The following ARL15 variants were observed in gnomAD, a reference collection of about 807,000 sequenced individuals.
ARL15 encodes the protein ARF like GTPase 15, also known as ADP-ribosylation factor-like protein 15.
In ARL15, 19 loss-of-function variants were observed where a neutral mutation model predicts 25.2. That is an observed-to-expected ratio of 0.75 (90% CI 0.53 to 1.10). The LOEUF is 1.10. Ranked by LOEUF, ARL15 falls within the 50% of genes least tolerant of loss-of-function variation. The probability of loss-of-function intolerance (pLI) is 0.00; values close to 1 mark genes in which losing one functional copy is unlikely to be tolerated. For synonymous variants in ARL15, 94 were observed against 86.8 expected, an observed-to-expected ratio of 1.08 and a Z score of -0.46; for missense variants, 220 against 246.0, an observed-to-expected ratio of 0.89 and a Z score of 0.71.
chr5:54,163,942 C>A (rs548588190), intron 2 of ARL15, among the ~76,000 whole-genome samples: 1 of 151,852 alleles, frequency 6.6e-6, no homozygotes, highest in Admixed American at 6.6e-5. Flanking sequence ...TGGGTTTAAT[C>A]CATTTTTCTT....
chr5:53,898,742 C>T (rs1744957980), intron 4 of ARL15, among the ~76,000 whole-genome samples: 1 of 151,782 alleles, frequency 6.6e-6, no homozygotes, highest in South Asian at 2.1e-4. Flanking sequence ...ACCTTCCAGG[C>T]TCAGGTAGCC....
At chr5:54,172,016 A>C in intron 1 of ARL15, 88 bp from the exon 2 acceptor site, 1 of 1,477,122 alleles carries the variant, frequency 6.8e-7, no homozygotes, top group Non-Finnish European at 9.2e-7. Context: ...AGTAAGTATT[A>C]AGAGGTAATT....
At chr5:54,250,128 G>C (rs1372116838) in intron 1 of ARL15, among the ~76,000 whole-genome samples, 1 of 152,160 alleles carries the variant, frequency 6.6e-6, no homozygotes, top group Non-Finnish European at 1.5e-5. Flanking sequence ...CAGGGAGCAG[G>C]CCTGTCACAT....
At chr5:54,177,536 C>T (rs555363650) in intron 1 of ARL15, among the ~76,000 whole-genome samples, 50 of 152,240 alleles carry the variant, frequency 3.3e-4, no homozygotes, top group Non-Finnish European at 5.7e-4. Context: ...TAAAATGTTC[C>T]CATTTCTGTT....
At chr5:54,083,226 A>G (rs1489601020) in intron 4 of ARL15, among the ~76,000 whole-genome samples, 1 of 152,220 alleles carries the variant, frequency 6.6e-6, no homozygotes, top group Non-Finnish European at 1.5e-5. Context: ...ATTAAAAAAG[A>G]AGAATAAAGG....
At chr5:54,040,354 T>A (rs192992526) in intron 4 of ARL15, among the ~76,000 whole-genome samples, 202 of 152,284 alleles carry the variant, frequency 1.3e-3, no homozygotes, top group African/African-American at 4.8e-3. Context: ...GAAGAGAGAA[T>A]CAAATATCAA....
At chr5:54,080,008 C>CATAT (rs1459274042) in intron 4 of ARL15, among the ~76,000 whole-genome samples, 1 of 90,642 alleles carries the variant, frequency 1.1e-5, no homozygotes, top group Admixed American at 1.1e-4. Flanking sequence ...CACACACACA[C>CATAT]ACACACACAG....
At chr5:53,912,778 C>T (rs184190309) in intron 4 of ARL15, among the ~76,000 whole-genome samples, 11 of 152,114 alleles carry the variant, frequency 7.2e-5, no homozygotes, top group African/African-American at 2.7e-4. Context: ...TTCATTCATT[C>T]AACAGATACT....
At chr5:54,021,264 G>A (rs1251486793) in intron 4 of ARL15, among the ~76,000 whole-genome samples, 2 of 152,170 alleles carry the variant, frequency 1.3e-5, no homozygotes, top group Non-Finnish European at 1.5e-5. Flanking sequence ...GAACCCGGGA[G>A]GCGGAGATTG....
chr5:54,267,760 G>A (rs1757668291), intron 1 of ARL15, among the ~76,000 whole-genome samples: 1 of 152,230 alleles, frequency 6.6e-6, no homozygotes. Flanking sequence ...ATTCTGGGTT[G>A]AAAATTCTTT....
At chr5:53,890,773 C>T (rs936898783) in intron 4 of ARL15, among the ~76,000 whole-genome samples, 1 of 152,234 alleles carries the variant, frequency 6.6e-6, no homozygotes, top group African/African-American at 2.4e-5. Flanking sequence ...ATTCACACAT[C>T]GCGTTTACTG....
chr5:53,991,576 C>G (rs788595), intron 4 of ARL15, among the ~76,000 whole-genome samples: 40,167 of 131,438 alleles, frequency 0.31, 6,615 homozygotes, highest in Middle Eastern at 0.46. Context: ...GGGCGGGGGG[C>G]AATTGAAGCA....
At chr5:54,192,683 GT>G (rs1561260927) in intron 1 of ARL15, among the ~76,000 whole-genome samples, 1 of 149,904 alleles carries the variant, frequency 6.7e-6, no homozygotes. Context: ...TCTAGACAGA[GT>G]TTTAAAGTTT....
intron 1 of ARL15, among the ~76,000 whole-genome samples, chr5:54,173,524 G>T (rs1221280793): frequency 6.6e-6 from 1 of 152,080 alleles, no homozygotes; most frequent in Non-Finnish European, 1.5e-5. Context: ...AATCAAACTT[G>T]ATTATTTCTC....
chr5:54,161,998 T>TACACAC (rs3839223), intron 2 of ARL15, among the ~76,000 whole-genome samples: 5,803 of 144,614 alleles, frequency 0.04, 310 homozygotes, highest in African/African-American at 0.12. Context: ...CACACACACA[T>TACACAC]ACACACACAC....
At chr5:53,910,636 TATATATATATATATATATATATA>T (rs1745424846) in intron 4 of ARL15, among the ~76,000 whole-genome samples, 8 of 109,270 alleles carry the variant, frequency 7.3e-5, no homozygotes, top group Middle Eastern at 5.4e-3. Flanking sequence ...AAAAAAATTA[TATATATATATATATATATATATA>T]TATATATATA....
intron 4 of ARL15, among the ~76,000 whole-genome samples, chr5:54,009,966 C>T (rs922343157): frequency 5.1e-5 from 4 of 78,940 alleles, no homozygotes; most frequent in Non-Finnish European, 8.1e-5. Flanking sequence ...AGGCTCCTGA[C>T]TCTCTTTACT....
intron 4 of ARL15, among the ~76,000 whole-genome samples, chr5:54,038,855 G>C (rs1750248901): frequency 6.6e-6 from 1 of 152,010 alleles, no homozygotes; most frequent in Non-Finnish European, 1.5e-5. Flanking sequence ...AAATTCACTT[G>C]GGAAAATCAA....
At position 53,928,722 on chromosome 5, in the gene ARL15, A is replaced by C. The variant is rs186047274; in HGVS notation, c.463-42009T>G. On this transcript the variant is annotated intron_variant, in intron 4 of 4. Coordinates refer to ENST00000504924, the MANE Select transcript of ARL15 (RefSeq NM_019087.3). ...TAACAAGGACATTGTTATTCCAGGA[A>C]GTGGCTGTCGGGTGATTGGTTCAAG... Among the ~76,000 whole-genome samples, 3 of 152,308 alleles carry C rather than the reference A, an allele frequency of 2.0e-5. No homozygotes were observed. In the East Asian group the frequency reaches 5.8e-4, roughly 29 times the overall value.
Sources: allele counts gnomAD v4.1 joint callset (sites outside exome capture counted in the v4.1 genomes callset), GRCh38; gene constraint gnomAD v4.1.1; transcripts MANE v1.5; gene names NCBI Gene and HGNC (gene_info 2026-07-23, HGNC 2026-07-21).